The following DPP10 variants were observed in gnomAD, a reference collection of about 807,000 sequenced individuals.
DPP10 encodes dipeptidyl peptidase like 10.
DPP10 carries 33 observed loss-of-function variants against 120.9 expected under a neutral mutation model. The observed-to-expected ratio is 0.27, with a 90% CI of 0.21 to 0.37. The LOEUF (loss-of-function observed/expected upper bound fraction) is 0.37, where lower values mean the gene tolerates loss of function less well. DPP10 is among the 10% of genes least tolerant of loss of function. The probability of loss-of-function intolerance (pLI) is 1.00; values close to 1 mark genes in which losing one functional copy is unlikely to be tolerated. For missense variants in DPP10, 816 were observed against 942.8 expected, an observed-to-expected ratio of 0.87 and a Z score of 1.76; for synonymous variants, 337 against 326.1, an observed-to-expected ratio of 1.03 and a Z score of -0.36.
At chr2:115,185,674 C>T (rs1378913728) in intron 1 of DPP10, among the ~76,000 whole-genome samples, 1 of 151,774 alleles carries the variant, frequency 6.6e-6, no homozygotes, top group East Asian at 1.9e-4. Context: ...TAAAATAATC[C>T]AAGAGAAAAT....
At chr2:114,459,438 T>A (rs1039365206) in intron 1 of DPP10, among the ~76,000 whole-genome samples, 1 of 152,184 alleles carries the variant, frequency 6.6e-6, no homozygotes, top group Non-Finnish European at 1.5e-5. Context: ...TTTAGAAAGA[T>A]CTGTACAAGG....
chr2:115,774,209 TAC>T (rs3069387), intron 13 of DPP10, among the ~76,000 whole-genome samples: 76,374 of 147,456 alleles, frequency 0.52, 21,666 homozygotes, highest in Admixed American at 0.64. Context: ...AAAACACACA[TAC>T]ACACACACAC....
chr2:115,403,805 GTTTCTCTT>G (rs1203152311), intron 3 of DPP10, among the ~76,000 whole-genome samples: 2 of 152,120 alleles, frequency 1.3e-5, no homozygotes, highest in East Asian at 3.9e-4. Context: ...AAGTGAAATT[GTTTCTCTT>G]TGTTGATAAG....
At chr2:115,035,745 C>T (rs1160514791) in intron 1 of DPP10, among the ~76,000 whole-genome samples, 1 of 152,130 alleles carries the variant, frequency 6.6e-6, no homozygotes, top group Non-Finnish European at 1.5e-5. Context: ...GCTGAAACTA[C>T]TTTATAAGGT....
At chr2:114,613,917 A>G (rs1223275097) in intron 1 of DPP10, among the ~76,000 whole-genome samples, 1 of 152,138 alleles carries the variant, frequency 6.6e-6, no homozygotes, top group Non-Finnish European at 1.5e-5. Context: ...GAGTAGAACA[A>G]TGAGAACACA....
At position 115,699,473 on chromosome 2, in the gene DPP10, G is replaced by T. The variant is rs534511824; in HGVS notation, c.576+9552G>T. On this transcript the variant is annotated intron_variant, in intron 7 of 25. Transcript: ENST00000410059. ...AAAGATTAGCTGGATGTGTTGGCAGGCACCTGTAATCCTAGCTACTCAGGA... is the reference window on the plus strand; with the variant it reads ...AAAGATTAGCTGGATGTGTTGGCAGTCACCTGTAATCCTAGCTACTCAGGA... Among the ~76,000 whole-genome samples, 12 of 152,216 alleles carry T rather than the reference G, an allele frequency of 7.9e-5. No homozygotes were observed. In the South Asian group the frequency reaches 2.5e-3, roughly 32 times the overall value.
At chr2:115,706,610 G>T (rs763185075) in intron 7 of DPP10, among the ~76,000 whole-genome samples, 4 of 151,884 alleles carry the variant, frequency 2.6e-5, no homozygotes. Flanking sequence ...GCAACTAAGC[G>T]CTTACACCAT....
At chr2:114,725,868 C>G (rs752972390) in intron 1 of DPP10, among the ~76,000 whole-genome samples, 1 of 152,070 alleles carries the variant, frequency 6.6e-6, no homozygotes, top group East Asian at 1.9e-4. Context: ...TCTCCTAAAC[C>G]GAAATGACAA....
At chr2:114,767,859 G>A (rs1244381388) in intron 1 of DPP10, among the ~76,000 whole-genome samples, 2 of 152,184 alleles carry the variant, frequency 1.3e-5, no homozygotes, top group Non-Finnish European at 2.9e-5. Flanking sequence ...GGTGGCTCAT[G>A]CCTGTAATCC....
At chr2:115,214,692 A>G (rs10200184) in intron 1 of DPP10, among the ~76,000 whole-genome samples, 147,509 of 152,270 alleles carry the variant, frequency 0.97, 71,485 homozygotes, top group East Asian at 1. Flanking sequence ...ACACTCAATG[A>G]TCTTATATCA....
At chr2:114,978,531 G>A (rs1466178355) in intron 1 of DPP10, among the ~76,000 whole-genome samples, 1 of 152,090 alleles carries the variant, frequency 6.6e-6, no homozygotes. Flanking sequence ...AGAATCTCAG[G>A]ACATAATCTC....
At position 115,771,368 on chromosome 2, in the gene DPP10, C is replaced by T. The variant is rs1449618198; in HGVS notation, c.1221+2964C>T. Among the ~76,000 whole-genome samples the T allele has an allele frequency of 2.6e-5, 4 of 152,064 alleles. 1 individual carries two copies. In the South Asian group the frequency reaches 8.3e-4, roughly 32 times the overall value. On this transcript the variant is annotated intron_variant, in intron 13 of 25. Coordinates refer to ENST00000410059, the MANE Select transcript of DPP10 (RefSeq NM_020868.6). ...GGATTACAGGCATAAGCCACCACGC[C>T]CGGCCTGTACTGTATTTAAATGATC...
rs566963663 is a variant in DPP10, at chr2:114,899,181, T to C, written c.61-410058T>C. On this transcript the variant is annotated intron_variant, in intron 1 of 25. Transcript: ENST00000410059. ...TATAGAAATTCTATATATGAATATA[T>C]ATATAAGAATATAGTATTATGCATG... 3.0e-4 allele frequency among the ~76,000 whole-genome samples: 45 copies of C among 151,950 alleles called. 1 individual carries two copies. Among genetic ancestry groups the C allele is most frequent in the African/African-American group, 1.0e-3 (43 of 41,502 alleles).
intron 4 of DPP10, among the ~76,000 whole-genome samples, chr2:115,522,069 A>G (rs971890112): frequency 2.0e-5 from 3 of 152,170 alleles, no homozygotes; most frequent in Non-Finnish European, 4.4e-5. Flanking sequence ...ATTGAATCAT[A>G]ATTTTAAAAT....
intron 1 of DPP10, among the ~76,000 whole-genome samples, chr2:114,445,550 G>C (rs1255615162): frequency 2.0e-5 from 3 of 150,388 alleles, no homozygotes; most frequent in Non-Finnish European, 3.0e-5. Context: ...GTGTGTGTGT[G>C]TGTGTGTGTG....
chr2:114,758,231 A>G (rs1489732935), intron 1 of DPP10, among the ~76,000 whole-genome samples: 1 of 152,194 alleles, frequency 6.6e-6, no homozygotes, highest in Non-Finnish European at 1.5e-5. Flanking sequence ...CAGCCTACCC[A>G]ACTCTGTTCA....
At chr2:114,893,063 T>C (rs1443784979) in intron 1 of DPP10, among the ~76,000 whole-genome samples, 1 of 152,182 alleles carries the variant, frequency 6.6e-6, no homozygotes, top group Non-Finnish European at 1.5e-5. Context: ...CATAATTCCA[T>C]AGTTAAGCAA....
At chr2:115,344,025 C>T in intron 3 of DPP10, 113 bp downstream of exon 3, 1 of 719,192 alleles carries the variant, frequency 1.4e-6, no homozygotes. Context: ...CATCCCAGCA[C>T]CTTGGGAGGC....
At chr2:115,159,241 T>C (rs1191717487) in intron 1 of DPP10, among the ~76,000 whole-genome samples, 1 of 152,084 alleles carries the variant, frequency 6.6e-6, no homozygotes, top group Non-Finnish European at 1.5e-5. Flanking sequence ...GGCGGATAAC[T>C]AGGTCAGGAG....
Sources: allele counts gnomAD v4.1 joint callset (sites outside exome capture counted in the v4.1 genomes callset), GRCh38; gene constraint gnomAD v4.1.1; transcripts MANE v1.5; gene names NCBI Gene and HGNC (gene_info 2026-07-23, HGNC 2026-07-21).